NOTCH2: variants seen among roughly 807,000 people sequenced by gnomAD.
NOTCH2 encodes neurogenic locus notch homolog protein 2.
Under a neutral mutation model 235.8 loss-of-function variants are expected in NOTCH2, and 29 were observed. The observed-to-expected ratio is 0.12, with a 90% CI of 0.09 to 0.17. NOTCH2 has a LOEUF of 0.17. Among genes scored for constraint, NOTCH2 ranks in the 10% least tolerant of loss-of-function variants. NOTCH2 has a pLI of 1.00. For synonymous variants in NOTCH2, 1,086 were observed against 1,141.5 expected (o/e 0.95, Z 0.98); for missense variants, 2,285 against 3,150.2 (o/e 0.73, Z 6.57).
Position 119,915,588 on chromosome 1 carries a change from G to A in NOTCH2, c.7134C>T (p.Ala2378=). ...TILPAYHPFP[A]SVGKYPTPPS... ...GGGGTGTGGGGTACTTGCCCACAGA[G>A]GCTGGGAAAGGATGATAGGCTGGGA... Residue 2378 remains alanine, a synonymous_variant, in exon 34 of 34, where the codon GCC becomes GCT. Transcript: ENST00000256646. 6.2e-7 allele frequency: 1 copy of A among 1,614,036 alleles called. No homozygotes were observed. Among genetic ancestry groups the A allele is most frequent in the Non-Finnish European group, 8.5e-7 (1 of 1,180,040 alleles).
intron 17 of NOTCH2, among the ~76,000 whole-genome samples, chr1:119,942,118 A>G (rs1206246525): frequency 5.3e-5 from 8 of 152,244 alleles, no homozygotes; most frequent in African/African-American, 1.9e-4. Flanking sequence ...GGGGGAGGAC[A>G]AAATACACAT....
rs587741635 is a variant in NOTCH2, at chr1:120,007,044, C to A, written c.156-1456G>T. On this transcript the variant is annotated intron_variant, in intron 2 of 33. Transcript: ENST00000256646. The stretch of plus-strand genomic sequence containing the variant: ...GCTATAGTGGTAGTGAGGTAACTGG[C>A]CACAGCCTCTTCACCCCTCCCAGAG... Among the ~76,000 whole-genome samples, 67 of 152,304 alleles carry A rather than the reference C, an allele frequency of 4.4e-4. No individual in the cohort carries two copies. In the Middle Eastern group the frequency reaches 0.014, roughly 31 times the overall value.
At chr1:120,066,632 T>G (rs1553217141) in intron 1 of NOTCH2, among the ~76,000 whole-genome samples, 2 of 152,022 alleles carry the variant, frequency 1.3e-5, no homozygotes, top group African/African-American at 4.8e-5. Context: ...CTAAAGGTCC[T>G]GAAGTCAGCA....
At position 120,005,362 on chromosome 1, in the gene NOTCH2, T is replaced by C. The variant is rs1213248239; in HGVS notation, c.382A>G (p.Thr128Ala). The C allele has an allele frequency of 1.2e-6, 2 of 1,613,924 alleles. No individual in the cohort carries two copies. Among genetic ancestry groups the C allele is most frequent in the Non-Finnish European group, 1.7e-6 (2 of 1,179,880 alleles). The change falls in exon 3 of 34, where the codon ACC (threonine) becomes GCC (alanine). Residue 128 changes from threonine to alanine, a missense_variant. Coordinates refer to ENST00000256646, the MANE Select transcript of NOTCH2 (RefSeq NM_024408.4). ...CCGACTTGACAGGTGCACTCATAGG[T>C]ATCCCGGCTGAGCATATGGCATGTG... ...GGTCHMLSRD[T>A]YECTCQVGFT...
intron 8 of NOTCH2, among the ~76,000 whole-genome samples, chr1:119,967,005 G>T (rs1651164721): frequency 6.6e-6 from 1 of 152,144 alleles, no homozygotes; most frequent in Admixed American, 6.5e-5. Context: ...ATGCAGAAGA[G>T]CTCCAGAATA....
intron 18 of NOTCH2, 141 bp from the exon 19 acceptor site, chr1:119,940,897 A>G (rs1650041385): frequency 2.6e-6 from 2 of 764,338 alleles, no homozygotes. Context: ...CTTACAAGCT[A>G]GATTGGGTGC....
At position 119,913,444 on chromosome 1, in the gene NOTCH2, G is replaced by A. The variant is rs1010376214; in HGVS notation, c.*1862C>T. ...AACTGTCATTCAAACCAAAAGAGTC[G>A]GGAATTCACCTGTTAATATCTACAA... On this transcript the variant is annotated 3_prime_UTR_variant, in exon 34 of 34. Transcript: ENST00000256646. The A allele has an allele frequency of 9.4e-5, 22 of 233,084 alleles. No individual in the cohort carries two copies. Among genetic ancestry groups the A allele is most frequent in the African/African-American group, 2.9e-4 (13 of 45,300 alleles). The allele number at this position is 233,084 out of a possible 1,614,324, so 14.4% of individuals were successfully genotyped here. A position where few individuals can be genotyped will look rare whatever the true frequency, so the allele number is the denominator to read the frequency against.
chr1:119,995,900 C>T (rs1553204019), intron 4 of NOTCH2: 1 of 152,228 alleles, frequency 6.6e-6, no homozygotes, highest in Non-Finnish European at 1.5e-5. Flanking sequence ...CCTTTAATCT[C>T]TCCAAAATAA....
chr1:119,983,895 T>G (rs1387322131), intron 5 of NOTCH2, among the ~76,000 whole-genome samples: 1 of 152,216 alleles, frequency 6.6e-6, no homozygotes, highest in Non-Finnish European at 1.5e-5. Flanking sequence ...GCCTATCTTT[T>G]TTCAGCCATA....
chr1:119,936,059 G>A (rs1214422594), intron 21 of NOTCH2, among the ~76,000 whole-genome samples: 1 of 152,176 alleles, frequency 6.6e-6, no homozygotes, highest in African/African-American at 2.4e-5. Flanking sequence ...TGAGAAACTG[G>A]TTGAGATAGG....
chr1:119,950,924 T>C, intron 14 of NOTCH2, 87 bp from the exon 15 acceptor site: 3 of 842,698 alleles, frequency 3.6e-6, no homozygotes, highest in Non-Finnish European at 6.3e-6. Flanking sequence ...GGGTAAAAAC[T>C]GAACACATCA....
Position 119,955,210 on chromosome 1 carries a change from A to G in NOTCH2, c.2049T>C (p.Ile683=), listed in dbSNP as rs1553198265. Reference sequence around the variant, plus strand: ...GACAGGGATTGGAGGCACACTCATCAATGTCAATGTTACATCTCTGCCCTG... The same window carrying G: ...GACAGGGATTGGAGGCACACTCATCGATGTCAATGTTACATCTCTGCCCTG... ...GFTGQRCNID[I]DECASNPCRK... Residue 683 remains isoleucine, a synonymous_variant, in exon 13 of 34, where the codon ATT becomes ATC. Coordinates refer to ENST00000256646, the MANE Select transcript of NOTCH2 (RefSeq NM_024408.4). The G allele has an allele frequency of 6.2e-7, 1 of 1,614,118 alleles. No homozygotes were observed. Among genetic ancestry groups the G allele is most frequent in the Admixed American group, 1.7e-5 (1 of 60,018 alleles).
At chr1:119,959,219 G>C (rs1368793057) in intron 12 of NOTCH2, among the ~76,000 whole-genome samples, 173 bp downstream of exon 12, 1 of 152,188 alleles carries the variant, frequency 6.6e-6, no homozygotes, top group Non-Finnish European at 1.5e-5. Flanking sequence ...GTATGTTTCA[G>C]TTTAGAAAAG....
chr1:119,920,388 C>T lies in NOTCH2; in HGVS notation c.5320G>A (p.Glu1774Lys), dbSNP rs765869959. ...PQPKKVKAEDEALLSEEDDPI... is the reference protein window; with the variant it reads ...PQPKKVKAEDKALLSEEDDPI... ...TCATCTTCTTCTGAGAGTAAGGCCT[C>T]ATCTTCAGCCTGAAAGGTGAAAACA... The change falls in exon 30 of 34, where the codon GAG (glutamate) becomes AAG (lysine). Residue 1774 changes from glutamate to lysine, a missense_variant. Coordinates refer to ENST00000256646, the MANE Select transcript of NOTCH2 (RefSeq NM_024408.4). The T allele has an allele frequency of 6.2e-7, 1 of 1,614,194 alleles. No individual in the cohort carries two copies. Among genetic ancestry groups the T allele is most frequent in the Non-Finnish European group, 8.5e-7 (1 of 1,180,036 alleles).
chr1:119,962,901 T>C (rs587735003), intron 11 of NOTCH2, among the ~76,000 whole-genome samples: 1 of 151,776 alleles, frequency 6.6e-6, no homozygotes, highest in Non-Finnish European at 1.5e-5. Context: ...TAATTCCACA[T>C]CCCCCCAGAA....
intron 22 of NOTCH2, 95 bp downstream of exon 22, chr1:119,935,377 T>C: frequency 2.5e-6 from 4 of 1,611,802 alleles, no homozygotes; most frequent in Non-Finnish European, 3.4e-6. Flanking sequence ...CTAGTCTTCC[T>C]ATCTTTAATT....
chr1:119,974,199 A>G (rs1433061618), intron 5 of NOTCH2, among the ~76,000 whole-genome samples: 1 of 152,248 alleles, frequency 6.6e-6, no homozygotes, highest in Non-Finnish European at 1.5e-5. Flanking sequence ...GTCAGCATGT[A>G]TCATCACCTG....
In NOTCH2 at chr1:120,061,694, CAAT is replaced by C. The variant is rs1433975985; in HGVS notation, c.73+7637_73+7639del. Among the ~76,000 whole-genome samples the C allele has an allele frequency of 5.9e-5, 8 of 135,408 alleles. No homozygotes were observed. In the South Asian group the frequency reaches 8.0e-4, roughly 14 times the overall value. The allele number at this position is 135,408 out of a possible 152,430, so 88.8% of individuals were successfully genotyped here. On this transcript the variant is annotated intron_variant, in intron 1 of 33. Coordinates refer to ENST00000256646, the MANE Select transcript of NOTCH2 (RefSeq NM_024408.4). ...ATAGATCCAACCTGTCTTTATGCAA[CAAT>C]GAGTCCATCTTGGCAAGATGTTTGG... is the stretch of plus-strand genomic sequence containing the variant.
intron 10 of NOTCH2, among the ~76,000 whole-genome samples, chr1:119,964,926 A>G (rs747119048): frequency 2.0e-5 from 3 of 152,254 alleles, no homozygotes; most frequent in Non-Finnish European, 4.4e-5. Context: ...CTCTAGTTGC[A>G]GAAGTCAGCA....
Sources: gnomAD v4.1 joint callset for allele counts (sites outside exome capture counted in the v4.1 genomes callset) on GRCh38, gnomAD v4.1.1 for gene constraint, MANE v1.5 for transcripts, NCBI Gene and HGNC (gene_info 2026-07-23, HGNC 2026-07-21) for gene names.